Variants in ASIC2 observed in about 807,000 individuals in gnomAD.
The protein encoded by ASIC2 is acid sensing ion channel subunit 2.
A neutral mutation model predicts 57.3 loss-of-function variants in ASIC2; 25 were observed. That is an observed-to-expected ratio of 0.44 (90% CI 0.32 to 0.61). ASIC2 has a LOEUF of 0.61. ASIC2 is among the 20% of genes least tolerant of loss of function. ASIC2 has a pLI of 0.06. For missense variants in ASIC2, 641 were observed against 738.1 expected, an observed-to-expected ratio of 0.87 and a Z score of 1.52; for synonymous variants, 319 against 307.5, an observed-to-expected ratio of 1.04 and a Z score of -0.39.
chr17:34,037,921 C>T, intron 1 of ASIC2: 2 of 1,613,828 alleles, frequency 1.2e-6, no homozygotes, highest in South Asian at 2.2e-5. Flanking sequence ...CATAAAGACA[C>T]TGATAGAAGA....
At chr17:33,235,143 A>G (rs57350204) in intron 1 of ASIC2, among the ~76,000 whole-genome samples, 6,596 of 152,316 alleles carry the variant, frequency 0.043, 488 homozygotes, top group African/African-American at 0.15. Flanking sequence ...CATAAGACAC[A>G]CACAGCCAGA....
At chr17:33,964,115 C>T (rs1400679865) in intron 1 of ASIC2, among the ~76,000 whole-genome samples, 4 of 152,188 alleles carry the variant, frequency 2.6e-5, no homozygotes, top group African/African-American at 9.7e-5. Context: ...TTGTGCTATG[C>T]CCAGGTGAGG....
chr17:33,854,719 T>C (rs1913869198), intron 1 of ASIC2, among the ~76,000 whole-genome samples: 1 of 152,156 alleles, frequency 6.6e-6, no homozygotes, highest in Admixed American at 6.5e-5. Flanking sequence ...GCCTTAATGA[T>C]GTGTGTGCAC....
chr17:33,642,699 C>T (rs1198592493), intron 1 of ASIC2, among the ~76,000 whole-genome samples: 1 of 152,184 alleles, frequency 6.6e-6, no homozygotes, highest in Non-Finnish European at 1.5e-5. Flanking sequence ...CTGAGCCTTG[C>T]AAGTATTGCC....
At chr17:33,277,872 T>C (rs1904768932) in intron 1 of ASIC2, among the ~76,000 whole-genome samples, 1 of 152,170 alleles carries the variant, frequency 6.6e-6, no homozygotes, top group Non-Finnish European at 1.5e-5. Context: ...CCAGAGCTGC[T>C]AGAATCAGGC....
At chr17:33,806,749 G>T (rs945398215) in intron 1 of ASIC2, among the ~76,000 whole-genome samples, 2 of 152,080 alleles carry the variant, frequency 1.3e-5, no homozygotes, top group Non-Finnish European at 2.9e-5. Context: ...TTCCTCTTTT[G>T]CCAACACTAG....
At chr17:34,126,906 G>C (rs1192678579) in intron 1 of ASIC2, among the ~76,000 whole-genome samples, 1 of 152,102 alleles carries the variant, frequency 6.6e-6, no homozygotes, top group African/African-American at 2.4e-5. Context: ...GAGTAGCCCG[G>C]GCACGTCCCT....
chr17:33,464,516 C>CTA (rs1567621050), intron 1 of ASIC2, among the ~76,000 whole-genome samples: 1 of 43,208 alleles, frequency 2.3e-5, no homozygotes, highest in East Asian at 4.2e-4. Context: ...TTCTTTCTTT[C>CTA]TTTCTTTCTT....
intron 1 of ASIC2, among the ~76,000 whole-genome samples, chr17:33,703,966 C>T (rs1908786196): frequency 6.6e-6 from 1 of 152,156 alleles, no homozygotes; most frequent in South Asian, 2.1e-4. Flanking sequence ...GTTTTAGTAC[C>T]TCCAACTTTC....
rs115911203 is a variant in ASIC2, at chr17:33,876,908, G to A, written c.555+279070C>T. ...CGGATGGAATCTGAGTTTGGCACGC[G>A]TTCAGGTTACTTTTGCTTTCCTGAG... On this transcript the variant is annotated intron_variant, in intron 1 of 9. Coordinates refer to the ASIC2 transcript ENST00000359872. 3.7e-3 allele frequency among the ~76,000 whole-genome samples: 566 copies of A among 152,294 alleles called. 8 individuals are homozygous for A. Among genetic ancestry groups the A allele is most frequent in the African/African-American group, 0.013 (540 of 41,548 alleles).
chr17:33,188,456 A>AT (rs1318346455), intron 1 of ASIC2, among the ~76,000 whole-genome samples: 3 of 152,186 alleles, frequency 2.0e-5, no homozygotes, highest in African/African-American at 7.2e-5. Flanking sequence ...TATAGATGCA[A>AT]AGAAATCAAT....
Position 33,013,847 on chromosome 17 carries a change from TA to T in ASIC2, c.*117del. On this transcript the variant is annotated 3_prime_UTR_variant, in exon 10 of 10. Transcript: ENST00000225823. Reference sequence around the variant, plus strand: ...AGGCAGCTAGTCTGCAATGTGTGCATAGGGGGCTCTTGCTTCTTTCCAGCAC... The same window carrying T: ...AGGCAGCTAGTCTGCAATGTGTGCATGGGGGCTCTTGCTTCTTTCCAGCAC... 1.1e-6 allele frequency: 1 copy of T among 888,118 alleles called. No homozygotes were observed. The highest frequency in any genetic ancestry group is 1.8e-6 in the Non-Finnish European group (1 of 553,010). 55.0% of individuals were successfully genotyped at this position (888,118 alleles called of 1,614,324 possible).
intron 1 of ASIC2, among the ~76,000 whole-genome samples, chr17:33,653,069 C>T (rs1260581427): frequency 6.6e-6 from 1 of 152,178 alleles, no homozygotes. Flanking sequence ...ATATTTGACC[C>T]TCAAGGGTGT....
chr17:33,862,207 T>C (rs1000104574), intron 1 of ASIC2, among the ~76,000 whole-genome samples: 7 of 152,220 alleles, frequency 4.6e-5, no homozygotes, highest in African/African-American at 1.7e-4. Context: ...CTCTGAGTTT[T>C]CCAAACATTT....
At position 33,505,519 on chromosome 17, in the gene ASIC2, C is replaced by T. The variant is rs74411414; in HGVS notation, c.556-393452G>A. The stretch of plus-strand genomic sequence containing the variant: ...ATTCTCAATCCCTCCCGCTGTATAA[C>T]GCACAGGATCTTTCAAATTTGTGTC... On this transcript the variant is annotated intron_variant, in intron 1 of 9. Coordinates refer to the ASIC2 transcript ENST00000359872. Among the ~76,000 whole-genome samples, 235 of 152,318 alleles carry T rather than the reference C, an allele frequency of 1.5e-3. 3 individuals are homozygous for T. In the East Asian group the frequency reaches 0.034, roughly 22 times the overall value.
intron 1 of ASIC2, among the ~76,000 whole-genome samples, chr17:33,129,624 A>T (rs2092337350): frequency 1.3e-5 from 2 of 152,328 alleles, no homozygotes; most frequent in Admixed American, 1.3e-4. Context: ...TAGGGTAAAC[A>T]TACCTGGGAA....
At chr17:33,336,592 G>A (rs556939881) in intron 1 of ASIC2, among the ~76,000 whole-genome samples, 67 of 152,266 alleles carry the variant, frequency 4.4e-4, no homozygotes, top group African/African-American at 1.5e-3. Context: ...ACAGCTGTGT[G>A]GGGAGGGTAT....
chr17:33,390,678 A>C (rs1340899686), intron 1 of ASIC2, among the ~76,000 whole-genome samples: 1 of 152,170 alleles, frequency 6.6e-6, no homozygotes, highest in East Asian at 1.9e-4. Context: ...GGAGCCAACA[A>C]GTCCTCTGCC....
At chr17:33,369,231 ACT>A (rs1238487120) in intron 1 of ASIC2, among the ~76,000 whole-genome samples, 2 of 152,148 alleles carry the variant, frequency 1.3e-5, no homozygotes, top group African/African-American at 4.8e-5. Context: ...AGAATAGCAG[ACT>A]CTGACACATG....
Sources: allele counts gnomAD v4.1 joint callset (sites outside exome capture counted in the v4.1 genomes callset), GRCh38; gene constraint gnomAD v4.1.1; transcripts MANE v1.5; gene names NCBI Gene and HGNC (gene_info 2026-07-23, HGNC 2026-07-21).